Variants in MARCHF11 observed in about 807,000 individuals in gnomAD.
MARCHF11 encodes the protein E3 ubiquitin-protein ligase MARCHF11.
MARCHF11 carries 29 observed loss-of-function variants against 37.3 expected under a neutral mutation model. That is an observed-to-expected ratio of 0.78 (90% CI 0.58 to 1.06). The LOEUF (loss-of-function observed/expected upper bound fraction) is 1.06. Ranked by LOEUF, MARCHF11 falls within the 50% of genes least tolerant of loss-of-function variation. MARCHF11 has a pLI of 0.00. For synonymous variants in MARCHF11, 233 were observed against 228.0 expected (o/e 1.02, Z -0.20); for missense variants, 482 against 533.4 (o/e 0.90, Z 0.95).
At chr5:16,068,641 A>T (rs1324312396) in intron 3 of MARCHF11, among the ~76,000 whole-genome samples, 1 of 152,204 alleles carries the variant, frequency 6.6e-6, no homozygotes, top group Non-Finnish European at 1.5e-5. Context: ...GTCAGACAGG[A>T]TGCACTAGCA....
chr5:16,151,266 C>A (rs145808380), intron 2 of MARCHF11, among the ~76,000 whole-genome samples: 3 of 151,968 alleles, frequency 2.0e-5, no homozygotes, highest in Non-Finnish European at 4.4e-5. Flanking sequence ...CATTCACCAG[C>A]GTTTATGGAT....
chr5:16,092,546 G>A (rs932709173), intron 2 of MARCHF11, among the ~76,000 whole-genome samples: 1 of 152,082 alleles, frequency 6.6e-6, no homozygotes, highest in African/African-American at 2.4e-5. Flanking sequence ...GAGAACACAT[G>A]GACACAGGGA....
chr5:16,107,034 C>T (rs1254738749), intron 2 of MARCHF11, among the ~76,000 whole-genome samples: 3 of 152,182 alleles, frequency 2.0e-5, no homozygotes, highest in African/African-American at 7.2e-5. Context: ...TGTGGCTGGG[C>T]CCTGGCTGCA....
intron 2 of MARCHF11, among the ~76,000 whole-genome samples, chr5:16,109,532 C>T (rs1579386995): frequency 6.6e-6 from 1 of 152,240 alleles, no homozygotes; most frequent in Non-Finnish European, 1.5e-5. Flanking sequence ...CATCCCTTGC[C>T]TTACGGATCT....
Position 16,179,153 on chromosome 5 carries a change from C to A in MARCHF11, c.423G>T (p.Thr141=). The A allele has an allele frequency of 6.9e-7, 1 of 1,453,688 alleles. No individual in the cohort carries two copies. The highest frequency in any genetic ancestry group is 9.0e-7 in the Non-Finnish European group (1 of 1,109,550). The allele number at this position is 1,453,688 out of a possible 1,614,324, so 90.0% of individuals were successfully genotyped here. A position where few individuals can be genotyped will look rare whatever the true frequency, so the allele number is the denominator to read the frequency against. ...ERRGAGDQPE[T]RSVCSSRSSS... The stretch of plus-strand genomic sequence containing the variant: ...TGCTGCGGCTGCTGCACACCGAGCG[C>A]GTCTCGGGCTGGTCTCCGGCGCCCC... Residue 141 remains threonine, a synonymous_variant, in exon 1 of 4, where the codon ACG becomes ACT. Coordinates refer to ENST00000332432, the MANE Select transcript of MARCHF11 (RefSeq NM_001102562.3).
chr5:16,149,988 C>T (rs1168896602), intron 2 of MARCHF11, among the ~76,000 whole-genome samples: 9 of 137,446 alleles, frequency 6.5e-5, no homozygotes, highest in East Asian at 4.0e-4. Context: ...ACAGATAAAA[C>T]GAATCCATTT....
rs148757785 is a variant in MARCHF11, at chr5:16,159,212, T to C, written c.693+18514A>G. Among the ~76,000 whole-genome samples, 170 of 152,016 alleles carry C rather than the reference T, an allele frequency of 1.1e-3. 1 individual carries two copies. Among genetic ancestry groups the C allele is most frequent in the Non-Finnish European group, 1.9e-3 (131 of 67,906 alleles). ...ATTATATAAATGAATAAAATAAGTT[T>C]AATAAGTTTTATGGACACACCATCA... is the stretch of plus-strand genomic sequence containing the variant. On this transcript the variant is annotated intron_variant, in intron 2 of 3. Transcript: ENST00000332432.
chr5:16,137,090 T>C (rs1737621633), intron 2 of MARCHF11, among the ~76,000 whole-genome samples: 1 of 152,178 alleles, frequency 6.6e-6, no homozygotes, highest in African/African-American at 2.4e-5. Context: ...AACACATCTA[T>C]TATGTAACTA....
intron 2 of MARCHF11, among the ~76,000 whole-genome samples, chr5:16,102,545 A>T (rs192547543): frequency 1.3e-5 from 2 of 152,356 alleles, no homozygotes; most frequent in South Asian, 4.1e-4. Flanking sequence ...GCAATTGGAC[A>T]TCGGAGACTA....
intron 2 of MARCHF11, among the ~76,000 whole-genome samples, chr5:16,139,517 C>T (rs1483586730): frequency 6.6e-6 from 1 of 152,036 alleles, no homozygotes; most frequent in Non-Finnish European, 1.5e-5. Flanking sequence ...AATAATGTGA[C>T]TCAGAAAAGT....
At chr5:16,149,095 A>T (rs943522871) in intron 2 of MARCHF11, among the ~76,000 whole-genome samples, 2 of 152,106 alleles carry the variant, frequency 1.3e-5, no homozygotes, top group Non-Finnish European at 2.9e-5. Context: ...TGCTCAAACT[A>T]TACAGCCCTT....
chr5:16,144,580 G>C (rs566443245), intron 2 of MARCHF11, among the ~76,000 whole-genome samples: 1 of 152,132 alleles, frequency 6.6e-6, no homozygotes, highest in East Asian at 1.9e-4. Context: ...TTAACTTTTC[G>C]TTAAGGCGTG....
At chr5:16,139,488 A>G (rs1034515113) in intron 2 of MARCHF11, among the ~76,000 whole-genome samples, 18 of 152,188 alleles carry the variant, frequency 1.2e-4, no homozygotes, top group Non-Finnish European at 2.1e-4. Context: ...TACATATGCT[A>G]TATGTAAGGA....
chr5:16,161,092 T>C (rs1231263459), intron 2 of MARCHF11, among the ~76,000 whole-genome samples: 1 of 151,882 alleles, frequency 6.6e-6, no homozygotes, highest in Non-Finnish European at 1.5e-5. Context: ...ACGTGCAGGT[T>C]TGTTACATAT....
chr5:16,075,777 G>A (rs1400133261), intron 3 of MARCHF11, among the ~76,000 whole-genome samples: 1 of 152,224 alleles, frequency 6.6e-6, no homozygotes, highest in Admixed American at 6.5e-5. Context: ...GATTGGAAAA[G>A]AGTTTAGGGA....
chr5:16,161,001 C>T (rs554245671), intron 2 of MARCHF11, among the ~76,000 whole-genome samples: 2 of 151,930 alleles, frequency 1.3e-5, no homozygotes, highest in Admixed American at 6.6e-5. Context: ...CTCCTGTAAA[C>T]CCTCAGAACA....
chr5:16,165,847 C>T (rs1181377074), intron 2 of MARCHF11, among the ~76,000 whole-genome samples: 2 of 152,056 alleles, frequency 1.3e-5, no homozygotes, highest in East Asian at 3.9e-4. Flanking sequence ...TACCAATCTA[C>T]TCTTTGGAAG....
At chr5:16,148,719 T>C (rs972793205) in intron 2 of MARCHF11, among the ~76,000 whole-genome samples, 1 of 152,122 alleles carries the variant, frequency 6.6e-6, no homozygotes, top group Non-Finnish European at 1.5e-5. Flanking sequence ...TGTAGGAGAC[T>C]AGCTAGCAAG....
chr5:16,115,768 C>G (rs1450353302), intron 2 of MARCHF11, among the ~76,000 whole-genome samples: 1 of 151,866 alleles, frequency 6.6e-6, no homozygotes. Flanking sequence ...GCTGGGATTA[C>G]AGGTACACGC....
Sources: gnomAD v4.1 joint callset for allele counts (sites outside exome capture counted in the v4.1 genomes callset) on GRCh38, gnomAD v4.1.1 for gene constraint, MANE v1.5 for transcripts, NCBI Gene and HGNC (gene_info 2026-07-23, HGNC 2026-07-21) for gene names.